OPCML: variants seen among roughly 807,000 people sequenced by gnomAD.
OPCML encodes opioid binding protein/cell adhesion molecule like, also known as opioid-binding protein/cell adhesion molecule.
In OPCML, 13 loss-of-function variants were observed where a neutral mutation model predicts 37.8. That is an observed-to-expected ratio of 0.34 (90% CI 0.22 to 0.55). The LOEUF is 0.55. OPCML is among the 20% of genes least tolerant of loss of function. The probability of loss-of-function intolerance (pLI) is 0.91; values close to 1 mark genes in which losing one functional copy is unlikely to be tolerated. For synonymous variants in OPCML, 176 were observed against 168.8 expected, an observed-to-expected ratio of 1.04 and a Z score of -0.33; for missense variants, 341 against 435.6, an observed-to-expected ratio of 0.78 and a Z score of 1.93.
Position 132,415,185 on chromosome 11 carries a change from C to T in OPCML, c.*5008G>A, listed in dbSNP as rs1184190269. 1 of 152,512 alleles carries T rather than the reference C, an allele frequency of 6.6e-6. No homozygotes were observed. The highest frequency in any genetic ancestry group is 1.5e-5 in the Non-Finnish European group (1 of 68,012). 9.4% of individuals were successfully genotyped at this position (152,512 alleles called of 1,614,324 possible). On this transcript the variant is annotated 3_prime_UTR_variant, in exon 8 of 8. Coordinates refer to ENST00000524381, the MANE Select transcript of OPCML (RefSeq NM_001012393.5). ...GAAAGAAAATAAAAGAAAAAAAGAA[C>T]TCTAGAAGGCTGACAAAGTCATACT...
intron 4 of OPCML, among the ~76,000 whole-genome samples, chr11:132,466,698 G>A (rs1467209361): frequency 1.3e-5 from 2 of 152,122 alleles, no homozygotes; most frequent in African/African-American, 2.4e-5. Flanking sequence ...CAGCCGAGGA[G>A]TTGTAGGGTT....
At chr11:132,544,753 G>T (rs1334778894) in intron 3 of OPCML, among the ~76,000 whole-genome samples, 1 of 152,120 alleles carries the variant, frequency 6.6e-6, no homozygotes, top group African/African-American at 2.4e-5. Context: ...GGCCTCCAGG[G>T]TCAGTGAAGG....
At chr11:133,026,867 G>A (rs10894638) in intron 1 of OPCML, among the ~76,000 whole-genome samples, 97,248 of 152,054 alleles carry the variant, frequency 0.64, 31,790 homozygotes, top group East Asian at 0.81. Flanking sequence ...TTGATATGTC[G>A]TTTGGATACA....
chr11:132,756,203 G>T (rs935639676), intron 2 of OPCML, among the ~76,000 whole-genome samples: 1 of 152,146 alleles, frequency 6.6e-6, no homozygotes, highest in Non-Finnish European at 1.5e-5. Flanking sequence ...CTACAAGAGG[G>T]TGTGCCTTCT....
chr11:133,519,347 G>A (rs1186015456), intron 1 of OPCML, among the ~76,000 whole-genome samples: 2 of 152,156 alleles, frequency 1.3e-5, no homozygotes, highest in African/African-American at 4.8e-5. Context: ...TAATTTATTT[G>A]TGAAAAATAA....
At chr11:133,327,880 C>T (rs968731667) in intron 1 of OPCML, among the ~76,000 whole-genome samples, 1 of 152,166 alleles carries the variant, frequency 6.6e-6, no homozygotes, top group African/African-American at 2.4e-5. Context: ...TCTGATCAAA[C>T]TGACAAGGTG....
chr11:132,676,812 C>T (rs1375342077), intron 2 of OPCML, among the ~76,000 whole-genome samples: 4 of 134,138 alleles, frequency 3.0e-5, no homozygotes, highest in South Asian at 2.4e-4. Context: ...AAAGAAAGAA[C>T]GAGAAAAAAG....
At chr11:132,697,546 G>A (rs1009960932) in intron 2 of OPCML, among the ~76,000 whole-genome samples, 1 of 152,012 alleles carries the variant, frequency 6.6e-6, no homozygotes. Flanking sequence ...GTCTTCCTAT[G>A]CCCGCTTTGT....
rs533410152 is a variant in OPCML at position 133,207,394 on chromosome 11, A to G, written c.62-264384T>C. On this transcript the variant is annotated intron_variant, in intron 1 of 7. Coordinates refer to ENST00000524381, the MANE Select transcript of OPCML (RefSeq NM_001012393.5). Reference sequence around the variant, plus strand: ...TTAACAGGCTTTAAGTCAGGAGGGTAACAATTGAATATCAGAGTTTTCAGA... The same window carrying G: ...TTAACAGGCTTTAAGTCAGGAGGGTGACAATTGAATATCAGAGTTTTCAGA... 1.2e-4 allele frequency among the ~76,000 whole-genome samples: 19 copies of G among 152,304 alleles called. No homozygotes were observed. The East Asian group carries it at 3.5e-3, about 28-fold the overall frequency.
chr11:132,752,960 T>G (rs914282596), intron 2 of OPCML, among the ~76,000 whole-genome samples: 2 of 152,232 alleles, frequency 1.3e-5, no homozygotes, highest in Non-Finnish European at 2.9e-5. Context: ...CCTGGATTAC[T>G]GCAATAGCTG....
chr11:133,445,749 T>A (rs1169165523), intron 1 of OPCML, among the ~76,000 whole-genome samples: 1 of 152,222 alleles, frequency 6.6e-6, no homozygotes, highest in Non-Finnish European at 1.5e-5. Flanking sequence ...TTCTATGCAC[T>A]CCAGAGTACA....
chr11:132,675,442 A>C (rs1942661143), intron 2 of OPCML, among the ~76,000 whole-genome samples: 1 of 152,040 alleles, frequency 6.6e-6, no homozygotes, highest in Admixed American at 6.6e-5. Context: ...AATATGCACA[A>C]TTAGGTAAGA....
chr11:132,585,998 T>C (rs1245569869), intron 3 of OPCML, among the ~76,000 whole-genome samples: 2 of 152,148 alleles, frequency 1.3e-5, no homozygotes, highest in African/African-American at 4.8e-5. Flanking sequence ...AAAGCATCAT[T>C]ACACCTGCCT....
At chr11:133,137,095 A>G (rs1343221439) in intron 1 of OPCML, among the ~76,000 whole-genome samples, 2 of 152,166 alleles carry the variant, frequency 1.3e-5, no homozygotes, top group Admixed American at 1.3e-4. Context: ...TTTAGCTCCT[A>G]TTTAACAACA....
intron 2 of OPCML, among the ~76,000 whole-genome samples, chr11:132,937,598 GTGTGT>G (rs1565353448): frequency 0.059 from 5,180 of 87,638 alleles, 265 homozygotes; most frequent in African/African-American, 0.15. Context: ...TGTGTGGGGT[GTGTGT>G]GTGTGTGTGT....
At chr11:133,476,370 C>T (rs1262860223) in intron 1 of OPCML, among the ~76,000 whole-genome samples, 2 of 127,180 alleles carry the variant, frequency 1.6e-5, no homozygotes. Context: ...ATTCTACATA[C>T]ACTTTTTGTA....
chr11:132,619,183 A>G (rs1939242581), intron 3 of OPCML, among the ~76,000 whole-genome samples: 1 of 152,070 alleles, frequency 6.6e-6, no homozygotes, highest in Non-Finnish European at 1.5e-5. Context: ...ACGTTCCTCA[A>G]GCTCTGTCGC....
chr11:133,494,733 ACGG>A (rs1947744400), intron 1 of OPCML, among the ~76,000 whole-genome samples: 1 of 115,822 alleles, frequency 8.6e-6, no homozygotes, highest in Non-Finnish European at 1.6e-5. Flanking sequence ...GGGCGGGGGG[ACGG>A]GGGAGGGATA....
chr11:133,189,688 T>C (rs970171090), intron 1 of OPCML, among the ~76,000 whole-genome samples: 7 of 152,178 alleles, frequency 4.6e-5, no homozygotes, highest in Non-Finnish European at 5.9e-5. Context: ...TAAATCATTG[T>C]ATCTGCTGGC....
Sources: allele counts gnomAD v4.1 joint callset (sites outside exome capture counted in the v4.1 genomes callset), GRCh38; gene constraint gnomAD v4.1.1; transcripts MANE v1.5; gene names NCBI Gene and HGNC (gene_info 2026-07-23, HGNC 2026-07-21).